Variants in PCSK5 observed in about 807,000 individuals in gnomAD.
The protein encoded by PCSK5 is proprotein convertase subtilisin/kexin type 5.
A neutral mutation model predicts 233.2 loss-of-function variants in PCSK5; 129 were observed. That is an observed-to-expected ratio of 0.55 (90% confidence interval 0.48 to 0.64). The LOEUF is 0.64. Among genes scored for constraint, PCSK5 ranks in the 30% least tolerant of loss-of-function variants. The probability of loss-of-function intolerance (pLI) is 0.00; values close to 1 mark genes in which losing one functional copy is unlikely to be tolerated. For missense variants in PCSK5, 2,076 were observed against 2,430.1 expected (o/e 0.85, Z 3.06); for synonymous variants, 825 against 879.2 (o/e 0.94, Z 1.09).
chr9:75,948,073 T>G (rs1409461451), intron 2 of PCSK5, among the ~76,000 whole-genome samples: 11 of 152,082 alleles, frequency 7.2e-5, no homozygotes, highest in Non-Finnish European at 4.4e-5. Context: ...TCTCAAACTC[T>G]GGTCCTGAAG....
At chr9:76,109,792 T>TCTTTGCACTTTA (rs2131686272) in intron 9 of PCSK5, among the ~76,000 whole-genome samples, 1 of 152,316 alleles carries the variant, frequency 6.6e-6, no homozygotes, top group East Asian at 1.9e-4. Context: ...GTTGTACAGC[T>TCTTTGCACTTTA]CAATCTTTGC....
intron 9 of PCSK5, among the ~76,000 whole-genome samples, chr9:76,126,886 T>C (rs971471303): frequency 2.6e-5 from 4 of 152,150 alleles, no homozygotes; most frequent in African/African-American, 9.7e-5. Context: ...GTTTCATGAC[T>C]ATGCAATATA....
chr9:76,263,161 C>G (rs900092688), intron 24 of PCSK5, among the ~76,000 whole-genome samples: 10 of 152,034 alleles, frequency 6.6e-5, no homozygotes, highest in Admixed American at 4.6e-4. Context: ...GAAATAGGAA[C>G]ACTTTTACAC....
chr9:76,035,653 G>A (rs1270569125), intron 5 of PCSK5, among the ~76,000 whole-genome samples: 1 of 152,134 alleles, frequency 6.6e-6, no homozygotes, highest in Non-Finnish European at 1.5e-5. Flanking sequence ...ACAGCAGATG[G>A]AAATCGCAGT....
intron 25 of PCSK5, among the ~76,000 whole-genome samples, chr9:76,294,091 G>A (rs1029043474): frequency 3.3e-5 from 5 of 151,902 alleles, no homozygotes; most frequent in Non-Finnish European, 5.9e-5. Context: ...CAGCTACTCA[G>A]GAAGCTGAGG....
rs780809147 is a variant in PCSK5 at position 76,239,043 on chromosome 9, C to A, written c.2951C>A (p.Thr984Asn). 1 of 1,611,732 alleles carries A rather than the reference C, an allele frequency of 6.2e-7. No homozygotes were observed. ...GGCCACTATGCCACTGAGGGGAACA[C>A]CTGCCTGCCCTGCCCAGACAACTGT... is the stretch of plus-strand genomic sequence containing the variant. The part of the protein sequence containing the change: ...PEGHYATEGN[T>N]CLPCPDNCEL... The change falls in exon 23 of 38, where the codon ACC becomes AAC. Residue 984 changes from threonine (T) to asparagine (N), a missense_variant. This residue lies in a region of PCSK5 where 1,510 missense variants were observed against 1,538.1 expected (regional missense o/e 0.98). Coordinates refer to ENST00000674117, the MANE Select transcript of PCSK5 (RefSeq NM_001372043.1).
In PCSK5 at chr9:75,962,579, G is replaced by A. The variant is rs931753064; in HGVS notation, c.298-23553G>A. ...TTTAAATTGTGGTGCTGGAGTGTGT[G>A]CCTGGCTCCACTGTGCAGCCTAACC... On this transcript the variant is annotated intron_variant, in intron 2 of 37. Transcript: ENST00000674117. Among the ~76,000 whole-genome samples the A allele has an allele frequency of 2.6e-5, 4 of 152,332 alleles. No homozygotes were observed. In the South Asian group the frequency reaches 8.3e-4, roughly 32 times the overall value.
At chr9:75,962,630 C>T (rs1825404004) in intron 2 of PCSK5, among the ~76,000 whole-genome samples, 1 of 152,214 alleles carries the variant, frequency 6.6e-6, no homozygotes, top group African/African-American at 2.4e-5. Context: ...CTGAAGTAGA[C>T]ACTCATTGTC....
intron 35 of PCSK5, among the ~76,000 whole-genome samples, chr9:76,339,839 G>A (rs868732329): frequency 1.1e-4 from 16 of 152,130 alleles, no homozygotes; most frequent in Admixed American, 2.0e-4. Flanking sequence ...CACCGCACCC[G>A]GCCAATAAAT....
At chr9:76,043,817 C>T (rs373591046) in intron 5 of PCSK5, among the ~76,000 whole-genome samples, 10 of 152,106 alleles carry the variant, frequency 6.6e-5, no homozygotes, top group South Asian at 2.1e-4. Context: ...AGCAATCCAC[C>T]GGTCTCATTC....
intron 25 of PCSK5, 59 bp downstream of exon 25, chr9:76,292,334 A>T: frequency 9.6e-7 from 1 of 1,043,922 alleles, no homozygotes; most frequent in Non-Finnish European, 1.5e-6. Context: ...CATTACTGAC[A>T]TAATCCTCAA....
intron 20 of PCSK5, among the ~76,000 whole-genome samples, chr9:76,225,953 T>C (rs757672487): frequency 1.3e-5 from 2 of 152,204 alleles, no homozygotes; most frequent in Non-Finnish European, 2.9e-5. Flanking sequence ...CCTGCATACC[T>C]GTTGGTATGC....
intron 8 of PCSK5, among the ~76,000 whole-genome samples, chr9:76,105,597 A>G (rs981606959): frequency 6.6e-6 from 1 of 152,256 alleles, no homozygotes; most frequent in Non-Finnish European, 1.5e-5. Flanking sequence ...GTTTCTTAAC[A>G]TAAAAGTGGA....
rs1171270752 is a variant in PCSK5, at chr9:76,308,688, C to T, written c.3648C>T (p.Thr1216=). ...KLQPCHSSCK[T]CNGSATLCTS... ...AGCCTTGTCATTCTTCTTGTAAAACCTGCAATGGATCTGCAACTCTGTGCA... is the reference window on the plus strand; with the variant it reads ...AGCCTTGTCATTCTTCTTGTAAAACTTGCAATGGATCTGCAACTCTGTGCA... The change falls in exon 29 of 38, where the codon ACC becomes ACT. Residue 1216 remains threonine (T), a synonymous_variant. Coordinates refer to ENST00000674117, the MANE Select transcript of PCSK5 (RefSeq NM_001372043.1). 2 of 1,610,858 alleles carry T rather than the reference C, an allele frequency of 1.2e-6. No homozygotes were observed. The highest frequency in any genetic ancestry group is 2.2e-5 in the South Asian group (2 of 91,006).
chr9:76,354,180 C>T lies in PCSK5; in HGVS notation c.5215C>T (p.Pro1739Ser), dbSNP rs1347604292. 1.3e-6 allele frequency: 2 copies of T among 1,589,098 alleles called. No homozygotes were observed. The highest frequency in any genetic ancestry group is 1.7e-6 in the Non-Finnish European group (2 of 1,168,536). The part of the protein sequence containing the change: ...CLHCCNTSDP[P>S]SAQECCDCQD... ...CCACTGCTGCAACACCTCTGATCCCCCCAGTGCCCAGGAGTGCTGTGACTG... is the reference window on the plus strand; with the variant it reads ...CCACTGCTGCAACACCTCTGATCCCTCCAGTGCCCAGGAGTGCTGTGACTG... The change falls in exon 37 of 38, where the codon CCC (proline) becomes TCC (serine). Residue 1739 changes from proline to serine, a missense_variant. Pro to Ser is a moderately conservative substitution (Grantham distance 74). Around this residue, in one of 6 missense-constraint regions of PCSK5, gnomAD observed 1,510 missense variants for 1,538.1 expected, o/e 0.98. Transcript: ENST00000674117.
chr9:76,321,615 T>C lies in PCSK5; in HGVS notation c.4078T>C (p.Cys1360Arg), dbSNP rs751105879. ...CKHCPEMCQD[C>R]IHEKTCKECT... ...GCATTGCCCAGAGATGTGTCAGGAC[T>C]GCATCCATGAGAAAACATGCAAAGG... The change falls in exon 31 of 38, where the codon TGC becomes CGC. Residue 1360 changes from cysteine to arginine, a missense_variant. This residue lies in a region of PCSK5 where 1,510 missense variants were observed against 1,538.1 expected (regional missense o/e 0.98). Transcript: ENST00000674117. 3.6e-5 allele frequency: 58 copies of C among 1,611,612 alleles called. No individual in the cohort carries two copies. The highest frequency in any genetic ancestry group is 4.7e-5 in the Non-Finnish European group (55 of 1,178,984).
At chr9:76,060,899 T>C (rs977524633) in intron 5 of PCSK5, among the ~76,000 whole-genome samples, 2 of 152,206 alleles carry the variant, frequency 1.3e-5, no homozygotes, top group African/African-American at 4.8e-5. Flanking sequence ...TCTTACTCTC[T>C]AGTTAAAGAC....
intron 24 of PCSK5, among the ~76,000 whole-genome samples, chr9:76,274,231 C>T (rs1369370806): frequency 6.6e-6 from 1 of 152,026 alleles, no homozygotes; most frequent in Admixed American, 6.6e-5. Flanking sequence ...AATCTATCCA[C>T]TGAGCTTTAG....
intron 18 of PCSK5, 148 bp downstream of exon 18, chr9:76,188,823 C>A: frequency 1.5e-6 from 1 of 656,236 alleles, no homozygotes; most frequent in Non-Finnish European, 2.6e-6. Context: ...TGTGTATTCT[C>A]ATTGAAAGTC....
Sources: allele counts gnomAD v4.1 joint callset (sites outside exome capture counted in the v4.1 genomes callset), GRCh38; gene constraint gnomAD v4.1.1; regional missense constraint gnomAD v4.1.1; transcripts MANE v1.5; gene names NCBI Gene and HGNC (gene_info 2026-07-23, HGNC 2026-07-21).